The following TMEM44 variants were observed in gnomAD, a reference collection of about 807,000 sequenced individuals.
TMEM44 encodes the protein transmembrane protein 44.
A neutral mutation model predicts 47.8 loss-of-function variants in TMEM44; 43 were observed. The observed-to-expected ratio is 0.90, with a 90% CI of 0.70 to 1.16. The LOEUF is 1.16. Among genes scored for constraint, TMEM44 ranks in the 50% most tolerant of loss-of-function variants. The pLI, the probability that TMEM44 is intolerant of heterozygous loss-of-function variation, is 0.00. For synonymous variants in TMEM44, 277 were observed against 238.8 expected (o/e 1.16, Z -1.48); for missense variants, 568 against 555.2 (o/e 1.02, Z -0.23).
At position 194,623,371 on chromosome 3, in the gene TMEM44, A is replaced by G. The variant is rs1560194269; in HGVS notation, c.526-61T>C. 7 of 1,537,994 alleles carry G rather than the reference A, an allele frequency of 4.6e-6. No homozygotes were observed. In the East Asian group the frequency reaches 1.7e-4, roughly 37 times the overall value. ...CTGCAGAGACTGCCCATGTGCCCCAAGAAACAGCCAAAGCTCAGGAGTCCT... is the reference window on the plus strand; with the variant it reads ...CTGCAGAGACTGCCCATGTGCCCCAGGAAACAGCCAAAGCTCAGGAGTCCT... On this transcript the variant is annotated intron_variant, in intron 4 of 9. Transcript: ENST00000347147.
At chr3:194,605,809 G>A (rs1231886546) in intron 8 of TMEM44, among the ~76,000 whole-genome samples, 1 of 152,160 alleles carries the variant, frequency 6.6e-6, no homozygotes, top group Admixed American at 6.5e-5. Context: ...TCCAGTGAGG[G>A]GGTGTCATGG....
intron 3 of TMEM44, among the ~76,000 whole-genome samples, chr3:194,624,785 C>T (rs1277334245): frequency 1.3e-5 from 2 of 151,470 alleles, no homozygotes; most frequent in Non-Finnish European, 2.9e-5. Flanking sequence ...TGCAGTTGTG[C>T]GATCTGCAAC....
intron 9 of TMEM44, among the ~76,000 whole-genome samples, 154 bp downstream of exon 9, chr3:194,604,133 T>C (rs2410960): frequency 0.13 from 19,320 of 152,182 alleles, 2,771 homozygotes; most frequent in African/African-American, 0.36. Context: ...CAATTACAGG[T>C]GTGAGCCACC....
intron 5 of TMEM44, among the ~76,000 whole-genome samples, chr3:194,621,322 C>A (rs1471509016): frequency 2.6e-5 from 4 of 152,214 alleles, no homozygotes; most frequent in African/African-American, 9.6e-5. Context: ...CGGCACCTTG[C>A]TCTCAGACTT....
chr3:194,606,873 A>AAC (rs1714827666), intron 8 of TMEM44, among the ~76,000 whole-genome samples: 1 of 145,896 alleles, frequency 6.9e-6, no homozygotes, highest in African/African-American at 2.5e-5. Flanking sequence ...GAATCTCTTG[A>AAC]ACACAGGAGG....
At chr3:194,626,928 A>T (rs1421032824) in intron 2 of TMEM44, among the ~76,000 whole-genome samples, 13 of 139,502 alleles carry the variant, frequency 9.3e-5, no homozygotes, top group East Asian at 2.1e-4. Context: ...GACCTACTGT[A>T]TTTTTTTTTT....
intron 9 of TMEM44, among the ~76,000 whole-genome samples, chr3:194,593,466 T>C (rs905710787): frequency 1.1e-4 from 17 of 152,130 alleles, no homozygotes; most frequent in Non-Finnish European, 2.4e-4. Flanking sequence ...GAGATGCCAA[T>C]AAAATTCCTG....
At chr3:194,601,416 C>T (rs946546457) in intron 9 of TMEM44, among the ~76,000 whole-genome samples, 8 of 151,350 alleles carry the variant, frequency 5.3e-5, no homozygotes, top group Non-Finnish European at 1.0e-4. Flanking sequence ...GCAATTCTCC[C>T]GCCTCAGCCT....
chr3:194,630,660 A>C (rs6803215), intron 1 of TMEM44, among the ~76,000 whole-genome samples: 32 of 87,526 alleles, frequency 3.7e-4, no homozygotes, highest in East Asian at 1.6e-3. Context: ...ACCTGCCTCC[A>C]GAAGGGGCTG....
At chr3:194,594,117 TTCTATCTATCTATCTA>T (rs370424904) in intron 9 of TMEM44, among the ~76,000 whole-genome samples, 59 of 85,558 alleles carry the variant, frequency 6.9e-4, no homozygotes, top group East Asian at 1.4e-3. Context: ...TGGCCTAATT[TTCTATCTATCTATCTA>T]TCTATCTATC....
intron 9 of TMEM44, among the ~76,000 whole-genome samples, chr3:194,602,509 C>T (rs1714256346): frequency 6.6e-6 from 1 of 151,884 alleles, no homozygotes; most frequent in Non-Finnish European, 1.5e-5. Context: ...GGCTGAGGCA[C>T]CAGAATCTCT....
intron 7 of TMEM44, among the ~76,000 whole-genome samples, chr3:194,613,354 T>A (rs1287669731): frequency 1.3e-5 from 2 of 150,844 alleles, no homozygotes; most frequent in African/African-American, 4.9e-5. Context: ...ATTTTTGTAT[T>A]TTTAGTAGAG....
chr3:194,610,595 C>T (rs990693120), intron 8 of TMEM44, among the ~76,000 whole-genome samples: 3 of 152,146 alleles, frequency 2.0e-5, no homozygotes, highest in African/African-American at 7.2e-5. Flanking sequence ...CCCCAAACCT[C>T]TTTTTCTTGA....
chr3:194,610,212 C>CA lies in TMEM44; in HGVS notation c.1017+703dup, dbSNP rs1336194200. On this transcript the variant is annotated intron_variant, in intron 8 of 9. Coordinates refer to ENST00000347147, the MANE Select transcript of TMEM44 (RefSeq NM_001011655.3). Reference sequence around the variant, plus strand: ...CTCCAGCCTGGGCGACAGAGTGTCTCAAAAAAAAAAAAGAGAGAAAAAGAT... The same window carrying CA: ...CTCCAGCCTGGGCGACAGAGTGTCTCAAAAAAAAAAAAAGAGAGAAAAAGAT... Among the ~76,000 whole-genome samples the CA allele has an allele frequency of 5.9e-3, 812 of 137,210 alleles. 8 individuals carry two copies. The highest frequency in any genetic ancestry group is 0.019 in the African/African-American group (709 of 37,500). The allele number at this position is 137,210 out of a possible 152,430, so 90.0% of individuals were successfully genotyped here.
rs188140305 is a variant in TMEM44, at chr3:194,629,218, T to G, written c.138-709A>C. Among the ~76,000 whole-genome samples the G allele has an allele frequency of 9.2e-4, 140 of 152,040 alleles. No individual in the cohort carries two copies. In the Middle Eastern group the frequency reaches 0.031, roughly 33 times the overall value. On this transcript the variant is annotated intron_variant, in intron 1 of 9. Coordinates refer to ENST00000347147, the MANE Select transcript of TMEM44 (RefSeq NM_001011655.3). ...CAGATAACTGCAGAGCACAGTTAAT[T>G]GCCTGAATTAAAAAGACAACTTGTT...
intron 3 of TMEM44, among the ~76,000 whole-genome samples, chr3:194,625,308 G>A (rs978683701): frequency 6.6e-6 from 1 of 152,116 alleles, no homozygotes; most frequent in African/African-American, 2.4e-5. Flanking sequence ...TGCCCTGCCT[G>A]TGGCCCCAGC....
At chr3:194,624,999 G>C (rs1716986097) in intron 3 of TMEM44, among the ~76,000 whole-genome samples, 1 of 152,074 alleles carries the variant, frequency 6.6e-6, no homozygotes, top group Non-Finnish European at 1.5e-5. Flanking sequence ...TTACAGGTGT[G>C]GGCCACCATG....
intron 9 of TMEM44, among the ~76,000 whole-genome samples, chr3:194,590,794 C>T (rs1350472582): frequency 1.3e-5 from 2 of 152,124 alleles, no homozygotes; most frequent in African/African-American, 4.8e-5. Context: ...GATTGAGAAC[C>T]ACTGCTCGAG....
At chr3:194,593,104 G>A (rs757054917) in intron 9 of TMEM44, 29 of 1,611,500 alleles carry the variant, frequency 1.8e-5, no homozygotes, top group East Asian at 6.7e-5. Context: ...CAGAAAAAGT[G>A]TTGGACAGAT....
Sources: gnomAD v4.1 joint callset for allele counts (sites outside exome capture counted in the v4.1 genomes callset) on GRCh38, gnomAD v4.1.1 for gene constraint, MANE v1.5 for transcripts, NCBI Gene and HGNC (gene_info 2026-07-23, HGNC 2026-07-21) for gene names.